PRKCE: variants seen among roughly 807,000 people sequenced by gnomAD.
PRKCE encodes the protein protein kinase C epsilon, also known as protein kinase C epsilon type.
A neutral mutation model predicts 85.4 loss-of-function variants in PRKCE; 16 were observed. That is an observed-to-expected ratio of 0.19 (90% CI 0.13 to 0.28). The LOEUF is 0.28. Ranked by LOEUF, PRKCE falls within the 10% of genes least tolerant of loss-of-function variation. The pLI, the probability that PRKCE is intolerant of heterozygous loss-of-function variation, is 1.00. For missense variants in PRKCE, 573 were observed against 975.2 expected, an observed-to-expected ratio of 0.59 and a Z score of 5.49; for synonymous variants, 388 against 371.5, an observed-to-expected ratio of 1.04 and a Z score of -0.51.
intron 2 of PRKCE, among the ~76,000 whole-genome samples, chr2:45,909,933 A>C (rs1697255387): frequency 6.6e-6 from 1 of 152,158 alleles, no homozygotes; most frequent in African/African-American, 2.4e-5. Context: ...CCATGGAGAC[A>C]GTCTACTGCC....
chr2:45,704,676 G>A (rs1678959780), intron 1 of PRKCE, among the ~76,000 whole-genome samples: 1 of 152,202 alleles, frequency 6.6e-6, no homozygotes, highest in African/African-American at 2.4e-5. Flanking sequence ...AGGATGAAAT[G>A]CCTGTATGCT....
At chr2:45,829,628 G>T (rs930422970) in intron 1 of PRKCE, among the ~76,000 whole-genome samples, 2 of 152,208 alleles carry the variant, frequency 1.3e-5, no homozygotes, top group African/African-American at 4.8e-5. Context: ...CAGGAACCTA[G>T]CATAGAGCAG....
At chr2:45,822,212 TA>T (rs1355530974) in intron 1 of PRKCE, among the ~76,000 whole-genome samples, 2 of 152,260 alleles carry the variant, frequency 1.3e-5, no homozygotes, top group Admixed American at 6.5e-5. Flanking sequence ...ACAGGGAAGC[TA>T]AATGTTCCTG....
intron 10 of PRKCE, among the ~76,000 whole-genome samples, chr2:46,082,153 G>A (rs752471835): frequency 6.6e-6 from 1 of 152,018 alleles, no homozygotes; most frequent in African/African-American, 2.4e-5. Flanking sequence ...TTTCTGTTTC[G>A]GCAAGGTCCC....
intron 1 of PRKCE, among the ~76,000 whole-genome samples, chr2:45,802,778 A>G (rs912365706): frequency 1.3e-5 from 2 of 152,230 alleles, no homozygotes; most frequent in Non-Finnish European, 2.9e-5. Context: ...GTGGCTCTCA[A>G]ACTTTACTGT....
chr2:45,844,800 C>T (rs1057479368), intron 2 of PRKCE, among the ~76,000 whole-genome samples: 1 of 152,166 alleles, frequency 6.6e-6, no homozygotes, highest in African/African-American at 2.4e-5. Flanking sequence ...TTATAGAAGA[C>T]ATCCTTTTTT....
chr2:45,771,540 T>TG (rs1306225166), intron 1 of PRKCE, among the ~76,000 whole-genome samples: 1 of 152,190 alleles, frequency 6.6e-6, no homozygotes, highest in African/African-American at 2.4e-5. Flanking sequence ...GCACACACTC[T>TG]GTGGGCCAGG....
intron 10 of PRKCE, among the ~76,000 whole-genome samples, chr2:46,047,255 T>C (rs988677637): frequency 6.6e-6 from 1 of 152,068 alleles, no homozygotes; most frequent in Non-Finnish European, 1.5e-5. Flanking sequence ...GCTAAACTCA[T>C]TAGAAAAAGA....
Position 45,845,139 on chromosome 2 carries a change from T to G in PRKCE, c.412+2076T>G, listed in dbSNP as rs116091362. ...CGATGGTGGGTAGGACTTTCAATAA[T>G]CCGTTCTGAGAAGCTGCTCTTGTTG... On this transcript the variant is annotated intron_variant, in intron 2 of 14. Coordinates refer to ENST00000306156, the MANE Select transcript of PRKCE (RefSeq NM_005400.3). 9.3e-3 allele frequency among the ~76,000 whole-genome samples: 1,416 copies of G among 151,620 alleles called. 10 individuals are homozygous for G. The highest frequency in any genetic ancestry group is 0.015 in the Non-Finnish European group (1,016 of 67,896).
intron 10 of PRKCE, among the ~76,000 whole-genome samples, chr2:46,025,132 T>A (rs1281880972): frequency 1.3e-5 from 2 of 152,220 alleles, no homozygotes; most frequent in Non-Finnish European, 2.9e-5. Context: ...ACTCCTATTA[T>A]AAAATGTTTA....
At chr2:45,785,763 G>C (rs965870545) in intron 1 of PRKCE, among the ~76,000 whole-genome samples, 2 of 152,172 alleles carry the variant, frequency 1.3e-5, no homozygotes, top group Admixed American at 6.5e-5. Flanking sequence ...TGCTGGTCAG[G>C]GTTAGGGGAT....
At chr2:46,143,048 G>T (rs970648654) in intron 11 of PRKCE, among the ~76,000 whole-genome samples, 7 of 152,144 alleles carry the variant, frequency 4.6e-5, no homozygotes, top group African/African-American at 1.7e-4. Context: ...TAAGCACACT[G>T]GCTTGCAGAG....
chr2:46,121,405 A>G (rs934233871), intron 11 of PRKCE, among the ~76,000 whole-genome samples: 1 of 152,152 alleles, frequency 6.6e-6, no homozygotes. Context: ...CCCACCCTGC[A>G]CACTGAGAGA....
intron 1 of PRKCE, among the ~76,000 whole-genome samples, chr2:45,658,400 A>C (rs618528): frequency 0.87 from 131,441 of 151,572 alleles, 57,094 homozygotes; most frequent in African/African-American, 0.92. Flanking sequence ...CGTTGTTTGA[A>C]CTGTTTCTTC....
intron 10 of PRKCE, among the ~76,000 whole-genome samples, chr2:46,015,691 C>CAAAAAAAAAAAAA (rs749060776): frequency 2.1e-4 from 17 of 80,788 alleles, no homozygotes; most frequent in African/African-American, 2.7e-4. Flanking sequence ...AACACTAAAC[C>CAAAAAAAAAAAAA]AAAAAAAAAA....
At chr2:45,910,038 T>TCC (rs1409576337) in intron 2 of PRKCE, among the ~76,000 whole-genome samples, 1 of 136,818 alleles carries the variant, frequency 7.3e-6, no homozygotes, top group African/African-American at 2.7e-5. Flanking sequence ...TCCAGTAAAC[T>TCC]CACCGCCCCC....
chr2:45,663,040 C>G (rs1675748556), intron 1 of PRKCE, among the ~76,000 whole-genome samples: 1 of 152,148 alleles, frequency 6.6e-6, no homozygotes, highest in Non-Finnish European at 1.5e-5. Flanking sequence ...GATTGACTTT[C>G]AAGGAGTGGG....
intron 2 of PRKCE, among the ~76,000 whole-genome samples, chr2:45,890,158 T>C (rs1400733784): frequency 6.6e-6 from 1 of 152,232 alleles, no homozygotes; most frequent in African/African-American, 2.4e-5. Flanking sequence ...GTAGTTATGA[T>C]TTAATCTTTT....
chr2:46,100,242 A>G (rs1293742297), intron 11 of PRKCE, among the ~76,000 whole-genome samples: 1 of 152,168 alleles, frequency 6.6e-6, no homozygotes, highest in Non-Finnish European at 1.5e-5. Context: ...CCAGGCCCAC[A>G]ATTCCTGTCA....
Sources: allele counts gnomAD v4.1 joint callset (sites outside exome capture counted in the v4.1 genomes callset), GRCh38; gene constraint gnomAD v4.1.1; transcripts MANE v1.5; gene names NCBI Gene and HGNC (gene_info 2026-07-23, HGNC 2026-07-21).